Variants in ALPK1 observed in about 807,000 individuals in gnomAD.
The protein encoded by ALPK1 is alpha-protein kinase 1.
Under a neutral mutation model 120.6 loss-of-function variants are expected in ALPK1, and 110 were observed. The ratio of observed to expected loss-of-function variants is 0.91; its 90% CI spans 0.78 to 1.07. ALPK1 has a LOEUF of 1.07. ALPK1 is among the 50% of genes least tolerant of loss of function. ALPK1 has a pLI of 0.00. For missense variants in ALPK1, 1,498 were observed against 1,483.9 expected (o/e 1.01, Z -0.16); for synonymous variants, 582 against 560.3 (o/e 1.04, Z -0.55).
chr4:112,343,964 G>A (rs942667285), intron 2 of ALPK1, among the ~76,000 whole-genome samples: 9 of 152,152 alleles, frequency 5.9e-5, no homozygotes, highest in Admixed American at 1.3e-4. Context: ...ATGCCAATGA[G>A]CCCCCTGCAA....
chr4:112,436,940 A>T (rs1734813610), intron 12 of ALPK1, among the ~76,000 whole-genome samples: 1 of 152,190 alleles, frequency 6.6e-6, no homozygotes, highest in African/African-American at 2.4e-5. Context: ...CAAAAACAAT[A>T]TTTGAATAGA....
chr4:112,302,371 A>G (rs1380230402), intron 1 of ALPK1: 1 of 152,136 alleles, frequency 6.6e-6, no homozygotes, highest in Non-Finnish European at 1.5e-5. Context: ...AGATCCCTCT[A>G]CTTGTTGATG....
intron 12 of ALPK1, among the ~76,000 whole-genome samples, chr4:112,437,633 C>T (rs1578577510): frequency 6.6e-6 from 1 of 152,230 alleles, no homozygotes. Flanking sequence ...TGCTCCTCTG[C>T]AGGCTGCCTT....
rs746714365 is a variant in ALPK1, at chr4:112,432,456, T to C, written c.2909T>C (p.Leu970Pro). 13 of 1,614,056 alleles carry C rather than the reference T, an allele frequency of 8.1e-6. No homozygotes were observed. The highest frequency in any genetic ancestry group is 1.1e-5 in the Non-Finnish European group (13 of 1,180,038). Residue 970 changes from leucine to proline, a missense_variant, in exon 11 of 16, where the codon CTT becomes CCT. Coordinates refer to ENST00000650871, the MANE Select transcript of ALPK1 (RefSeq NM_025144.4). ...SLPGKMRKEILEARTLQPDDF... is the reference protein window; with the variant it reads ...SLPGKMRKEIPEARTLQPDDF... ...CCGGGAAAGATGAGGAAAGAGATCC[T>C]TGAGGCTCGCACCTTGCAACCTGAT...
intron 12 of ALPK1, among the ~76,000 whole-genome samples, chr4:112,437,979 A>G (rs1734859020): frequency 6.6e-6 from 1 of 152,206 alleles, no homozygotes; most frequent in Non-Finnish European, 1.5e-5. Context: ...GAAATATACA[A>G]ATCATGTCTC....
intron 2 of ALPK1, among the ~76,000 whole-genome samples, chr4:112,333,229 G>T (rs537687451): frequency 6.6e-6 from 1 of 152,156 alleles, no homozygotes; most frequent in Non-Finnish European, 1.5e-5. Flanking sequence ...CTTGCCTCTT[G>T]GTTTATGCCT....
intron 3 of ALPK1, among the ~76,000 whole-genome samples, chr4:112,381,727 C>T (rs1345621623): frequency 2.0e-5 from 3 of 152,052 alleles, no homozygotes; most frequent in Non-Finnish European, 4.4e-5. Context: ...GTTTCGGGTG[C>T]CAAACTTAAG....
chr4:112,345,559 T>C (rs906397112), intron 2 of ALPK1, among the ~76,000 whole-genome samples: 1 of 152,230 alleles, frequency 6.6e-6, no homozygotes, highest in Non-Finnish European at 1.5e-5. Context: ...AAGAGGAGAT[T>C]TCAAATAATT....
intron 5 of ALPK1, chr4:112,412,496 C>T: frequency 4.4e-6 from 2 of 456,566 alleles, no homozygotes; most frequent in Non-Finnish European, 8.8e-6. Flanking sequence ...ATTCAGAACA[C>T]CGGTACAGTA....
At chr4:112,359,071 A>AC (rs1730786730) in intron 2 of ALPK1, 4 of 752,512 alleles carry the variant, frequency 5.3e-6, no homozygotes, top group Non-Finnish European at 7.5e-6. Flanking sequence ...CCAGCCCTGG[A>AC]CCCCACTGGA....
intron 5 of ALPK1, among the ~76,000 whole-genome samples, chr4:112,422,616 C>T (rs748075527): frequency 6.6e-6 from 1 of 152,288 alleles, no homozygotes; most frequent in South Asian, 2.1e-4. Context: ...TTTTCCATTG[C>T]TATGTTAAAA....
At chr4:112,355,048 G>T (rs994114463) in intron 2 of ALPK1, among the ~76,000 whole-genome samples, 2 of 152,184 alleles carry the variant, frequency 1.3e-5, no homozygotes, top group African/African-American at 2.4e-5. Context: ...ACCACAAACA[G>T]AGTATCTCCT....
At chr4:112,342,364 A>G (rs978900867) in intron 2 of ALPK1, among the ~76,000 whole-genome samples, 1 of 152,220 alleles carries the variant, frequency 6.6e-6, no homozygotes, top group African/African-American at 2.4e-5. Context: ...CACTCCTGCA[A>G]TTAGGAAAAG....
At chr4:112,332,104 C>T (rs924572588) in intron 2 of ALPK1, among the ~76,000 whole-genome samples, 2 of 152,150 alleles carry the variant, frequency 1.3e-5, no homozygotes, top group Admixed American at 1.3e-4. Flanking sequence ...TGATTTGCCA[C>T]AGTCACTCAC....
At chr4:112,308,188 CT>C (rs1728206819) in intron 1 of ALPK1, among the ~76,000 whole-genome samples, 1 of 152,044 alleles carries the variant, frequency 6.6e-6, no homozygotes, top group Non-Finnish European at 1.5e-5. Flanking sequence ...ACATTTTTTC[CT>C]TCATTTCAAC....
chr4:112,346,824 A>T (rs1730124270), intron 2 of ALPK1, among the ~76,000 whole-genome samples: 1 of 152,372 alleles, frequency 6.6e-6, no homozygotes, highest in Middle Eastern at 3.4e-3. Flanking sequence ...CCTACCAGCA[A>T]AAATAATCTT....
intron 4 of ALPK1, among the ~76,000 whole-genome samples, chr4:112,407,990 C>T (rs1733267489): frequency 6.6e-6 from 1 of 151,908 alleles, no homozygotes; most frequent in African/African-American, 2.4e-5. Context: ...ACCTGTAGTC[C>T]CTGCTACTCA....
chr4:112,305,198 T>C (rs1017870479), intron 1 of ALPK1, among the ~76,000 whole-genome samples: 2 of 152,100 alleles, frequency 1.3e-5, no homozygotes, highest in African/African-American at 4.8e-5. Flanking sequence ...CCTCCAGCTT[T>C]GTTCTTTTGG....
chr4:112,382,552 G>A lies in ALPK1; in HGVS notation c.276G>A (p.Leu92=). 6.2e-7 allele frequency: 1 copy of A among 1,614,104 alleles called. No individual in the cohort carries two copies. Residue 92 remains leucine (L), a splice_region_variant and synonymous_variant, in exon 4 of 16, where the codon CTG becomes CTA. Coordinates refer to ENST00000650871, the MANE Select transcript of ALPK1 (RefSeq NM_025144.4). ...DVIGAGLQQL[L]ASLRASILAR... ...TTGGCGCCGGGTTGCAGCAGTTACT[G>A]GTAGGAAGAGCCACACCACCTGTTC...
Sources: gnomAD v4.1 joint callset for allele counts (sites outside exome capture counted in the v4.1 genomes callset) on GRCh38, gnomAD v4.1.1 for gene constraint, MANE v1.5 for transcripts, NCBI Gene and HGNC (gene_info 2026-07-23, HGNC 2026-07-21) for gene names.